THRAP3: variants seen among roughly 807,000 people sequenced by gnomAD.
THRAP3 encodes thyroid hormone receptor-associated protein 3.
A neutral mutation model predicts 101.0 loss-of-function variants in THRAP3; 16 were observed. The ratio of observed to expected loss-of-function variants is 0.16; its 90% CI spans 0.11 to 0.24. The LOEUF (loss-of-function observed/expected upper bound fraction) is 0.24, where lower values mean the gene tolerates loss of function less well. Among genes scored for constraint, THRAP3 ranks in the 10% least tolerant of loss-of-function variants. The pLI, the probability that THRAP3 is intolerant of heterozygous loss-of-function variation, is 1.00. For synonymous variants in THRAP3, 407 were observed against 422.6 expected (o/e 0.96, Z 0.45); for missense variants, 989 against 1,202.7 (o/e 0.82, Z 2.63).
chr1:36,276,597 C>T (rs1020294017), intron 2 of THRAP3, among the ~76,000 whole-genome samples: 9 of 151,346 alleles, frequency 5.9e-5, no homozygotes, highest in Non-Finnish European at 1.0e-4. Context: ...AGGCTCATGC[C>T]TGTAATCCCA....
In THRAP3 at chr1:36,300,988, A is replaced by AGAG. The variant is rs1164172547; in HGVS notation, c.2410_2412dup (p.Glu804dup). The AGAG allele has an allele frequency of 1.2e-6, 2 of 1,614,092 alleles. No individual in the cohort carries two copies. The highest frequency in any genetic ancestry group is 2.7e-5 in the African/African-American group (2 of 74,946). On this transcript the variant is annotated inframe_insertion, in exon 10 of 12. Coordinates refer to ENST00000354618, the MANE Select transcript of THRAP3 (RefSeq NM_005119.4). ...AGTACACTGAAGAGACAGAGGAAAG[A>AGAG]GAGGAGAGCACCACGGGCTTTGACA...
intron 1 of THRAP3, among the ~76,000 whole-genome samples, chr1:36,228,754 A>G (rs1230540215): frequency 6.6e-6 from 1 of 152,210 alleles, no homozygotes; most frequent in Non-Finnish European, 1.5e-5. Context: ...TTCTCAAGGA[A>G]AATGTGTTCT....
Position 36,229,417 on chromosome 1 carries a change from T to G in THRAP3, c.-135+4912T>G, listed in dbSNP as rs1204763703. Among the ~76,000 whole-genome samples, 74 of 44,876 alleles carry G rather than the reference T, an allele frequency of 1.6e-3. 1 individual carries two copies. Among genetic ancestry groups the G allele is most frequent in the Admixed American group, 2.0e-3 (5 of 2,536 alleles). 29.4% of individuals were successfully genotyped at this position (44,876 alleles called of 152,430 possible). A position where few individuals can be genotyped will look rare whatever the true frequency, so the allele number is the denominator to read the frequency against. On this transcript the variant is annotated intron_variant, in intron 1 of 11. Coordinates refer to ENST00000354618, the MANE Select transcript of THRAP3 (RefSeq NM_005119.4). Reference sequence around the variant, plus strand: ...GGTCTACAGTTTTTTTTTTTGTTTTTTTTTTGTTTTTTTTTTTTTGAGAAT... The same window carrying G: ...GGTCTACAGTTTTTTTTTTTGTTTTGTTTTTGTTTTTTTTTTTTTGAGAAT...
At chr1:36,287,780 C>T (rs1645814584) in intron 4 of THRAP3, 1 of 985,306 alleles carries the variant, frequency 1.0e-6, no homozygotes, top group Non-Finnish European at 1.2e-6. Flanking sequence ...TTTAAAACCA[C>T]AAGGTGGGTG....
chr1:36,226,688 G>T (rs745440793), intron 1 of THRAP3, among the ~76,000 whole-genome samples: 3 of 152,136 alleles, frequency 2.0e-5, no homozygotes, highest in Non-Finnish European at 2.9e-5. Context: ...CAAATACAGG[G>T]TTTTGGTGGA....
chr1:36,294,356 T>TA (rs1202902872), intron 8 of THRAP3: 2 of 436,522 alleles, frequency 4.6e-6, no homozygotes, highest in African/African-American at 4.3e-5. Context: ...AGACTGTTTT[T>TA]AAACAGCTGG....
rs117458948 is a variant in THRAP3, at chr1:36,234,970, C to T, written c.-135+10465C>T. Among the ~76,000 whole-genome samples the T allele has an allele frequency of 9.1e-4, 139 of 152,158 alleles. 2 individuals carry two copies. In the East Asian group the frequency reaches 0.025, roughly 27 times the overall value. The stretch of plus-strand genomic sequence containing the variant: ...CTGGGATTACAGGCATCCACTACCG[C>T]GCCTGGCTAATTTTTGTATTTTTAG... On this transcript the variant is annotated intron_variant, in intron 1 of 11. Coordinates refer to ENST00000354618, the MANE Select transcript of THRAP3 (RefSeq NM_005119.4).
intron 3 of THRAP3, among the ~76,000 whole-genome samples, chr1:36,285,052 C>T (rs757024897): frequency 6.6e-6 from 1 of 152,020 alleles, no homozygotes; most frequent in African/African-American, 2.4e-5. Flanking sequence ...AGTGGAAAAC[C>T]AATCCCACTT....
upstream of THRAP3, among the ~76,000 whole-genome samples, chr1:36,223,942 G>A (rs1285815055): frequency 6.6e-6 from 1 of 152,194 alleles, no homozygotes; most frequent in Non-Finnish European, 1.5e-5. Flanking sequence ...TCGCTGTGGG[G>A]TAGAAATTAC....
intron 2 of THRAP3, among the ~76,000 whole-genome samples, chr1:36,274,747 T>C (rs1645634243): frequency 6.7e-6 from 1 of 148,912 alleles, no homozygotes; most frequent in Non-Finnish European, 1.5e-5. Flanking sequence ...GTTCTCCTAC[T>C]TCAGCCTCCT....
chr1:36,275,050 GA>G (rs1200195017), intron 2 of THRAP3, among the ~76,000 whole-genome samples: 1 of 150,324 alleles, frequency 6.7e-6, no homozygotes, highest in Non-Finnish European at 1.5e-5. Context: ...GGGGCAGGGG[GA>G]TCACGAGGTC....
rs766097229 is a variant in THRAP3, at chr1:36,286,383, C to T, written c.153C>T (p.Ser51=). ...TCCATTCCAGTTCTAGGTCTCGTTC[C>T]AGATCATATTCTCCAGCTCATAACA... The part of the protein sequence containing the change: ...RKRRLSSRSR[S]RSYSPAHNRE... The change falls in exon 4 of 12, where the codon TCC becomes TCT. Residue 51 remains serine (S), a synonymous_variant. Transcript: ENST00000354618. The surrounding 1 kb of genome is among the most constrained non-coding windows in gnomAD (Gnocchi z 5.5). 2.5e-6 allele frequency: 4 copies of T among 1,588,470 alleles called. No individual in the cohort carries two copies. In the South Asian group the frequency reaches 4.6e-5, roughly 18 times the overall value.
Position 36,274,323 on chromosome 1 carries a change from A to G in THRAP3, c.-31-8210A>G, listed in dbSNP as rs1645628632. ...TGTTCATGGATTTGGAAGACTTACT[A>G]TTGTTAAGATGGCAGTATTCTCCAA... is the stretch of plus-strand genomic sequence containing the variant. On this transcript the variant is annotated intron_variant, in intron 2 of 11. Transcript: ENST00000354618. Among the ~76,000 whole-genome samples, 4 of 152,194 alleles carry G rather than the reference A, an allele frequency of 2.6e-5. No individual in the cohort carries two copies. In the South Asian group the frequency reaches 6.2e-4, roughly 24 times the overall value.
Position 36,304,031 on chromosome 1 carries a change from CGGGATTCCTGCCCAGGGGAGAGAGGCGCT to C in THRAP3, c.*19_*47del. 1 of 1,498,092 alleles carries C rather than the reference CGGGATTCCTGCCCAGGGGAGAGAGGCGCT, an allele frequency of 6.7e-7. No homozygotes were observed. Among genetic ancestry groups the C allele is most frequent in the Non-Finnish European group, 8.9e-7 (1 of 1,122,800 alleles). 92.8% of individuals were successfully genotyped at this position (1,498,092 alleles called of 1,614,324 possible). A position where few individuals can be genotyped will look rare whatever the true frequency, so the allele number is the denominator to read the frequency against. ...ACAACCGAGTAGGGGCCACCCTTGA[CGGGATTCCTGCCCAGGGGAGAGAGGCGCT>C]GGGAAGATGGCTGGTGAGGAGCTTA... is the stretch of plus-strand genomic sequence containing the variant. On this transcript the variant is annotated 3_prime_UTR_variant, in exon 12 of 12. Coordinates refer to ENST00000354618, the MANE Select transcript of THRAP3 (RefSeq NM_005119.4).
At position 36,301,573 on chromosome 1, in the gene THRAP3, AGGCTGG is replaced by A. The variant is rs1197939806; in HGVS notation, c.2527_2532del (p.Trp843_Gly844del). The A allele has an allele frequency of 6.2e-7, 1 of 1,613,158 alleles. No homozygotes were observed. The highest frequency in any genetic ancestry group is 8.5e-7 in the Non-Finnish European group (1 of 1,179,738). ...AATAGCAGTTTCGAGCCAGAGGAAG[AGGCTGG>A]GGCAGAGGCAACTACTCTGGGAACA... On this transcript the variant is annotated inframe_deletion, in exon 11 of 12. Transcript: ENST00000354618.
chr1:36,301,439 C>A, intron 10 of THRAP3, 114 bp from the exon 11 acceptor site: 2 of 1,326,522 alleles, frequency 1.5e-6, no homozygotes, highest in African/African-American at 1.5e-5. Flanking sequence ...CAGCATATGA[C>A]TGGAAGACAG....
intron 1 of THRAP3, among the ~76,000 whole-genome samples, chr1:36,246,194 T>G (rs1243134405): frequency 6.6e-6 from 1 of 152,162 alleles, no homozygotes. Flanking sequence ...GCTGGCAGAC[T>G]GGTGCATGAG....
intron 2 of THRAP3, among the ~76,000 whole-genome samples, chr1:36,270,304 C>T (rs1645570798): frequency 6.6e-6 from 1 of 152,016 alleles, no homozygotes; most frequent in African/African-American, 2.4e-5. Flanking sequence ...GTGGGAGGAT[C>T]GGTTGAGCCA....
intron 2 of THRAP3, among the ~76,000 whole-genome samples, chr1:36,270,254 G>A (rs1232165362): frequency 6.6e-6 from 1 of 152,158 alleles, no homozygotes; most frequent in Non-Finnish European, 1.5e-5. Context: ...GCCAGCTGTA[G>A]TGGCACATGC....
Sources: allele counts gnomAD v4.1 joint callset (sites outside exome capture counted in the v4.1 genomes callset), GRCh38; gene constraint gnomAD v4.1.1; non-coding constraint Gnocchi (gnomAD v3.1); transcripts MANE v1.5; gene names NCBI Gene and HGNC (gene_info 2026-07-23, HGNC 2026-07-21).